TMEM108: variants seen among roughly 807,000 people sequenced by gnomAD.
The protein encoded by TMEM108 is cancer/testis antigen 124.
Under a neutral mutation model 35.1 loss-of-function variants are expected in TMEM108, and 12 were observed. The observed-to-expected ratio is 0.34, with a 90% CI of 0.22 to 0.55. TMEM108 has a LOEUF of 0.55. Ranked by LOEUF, TMEM108 falls within the 20% of genes least tolerant of loss-of-function variation. The pLI, the probability that TMEM108 is intolerant of heterozygous loss-of-function variation, is 0.89. For synonymous variants in TMEM108, 287 were observed against 308.6 expected, an observed-to-expected ratio of 0.93 and a Z score of 0.73; for missense variants, 680 against 753.3, an observed-to-expected ratio of 0.90 and a Z score of 1.14.
At chr3:133,353,525 A>G (rs555573782) in intron 3 of TMEM108, among the ~76,000 whole-genome samples, 44 of 152,290 alleles carry the variant, frequency 2.9e-4, no homozygotes, top group African/African-American at 9.9e-4. Context: ...CCCCATGACA[A>G]GGACTGCTGT....
At chr3:133,236,472 T>C (rs1289618315) in intron 3 of TMEM108, among the ~76,000 whole-genome samples, 1 of 152,120 alleles carries the variant, frequency 6.6e-6, no homozygotes, top group Non-Finnish European at 1.5e-5. Context: ...TATATGTATG[T>C]ATACGCACAA....
At chr3:133,168,867 A>C (rs1576357561) in intron 2 of TMEM108, among the ~76,000 whole-genome samples, 1 of 152,250 alleles carries the variant, frequency 6.6e-6, no homozygotes, top group East Asian at 1.9e-4. Flanking sequence ...GCGAGACCAC[A>C]AACCCACCGG....
intron 2 of TMEM108, among the ~76,000 whole-genome samples, chr3:133,175,915 T>C (rs1945216976): frequency 6.6e-6 from 1 of 152,124 alleles, no homozygotes. Context: ...GTGTGCTGTA[T>C]TCAGGAAACC....
chr3:133,298,648 A>G (rs1947177881), intron 3 of TMEM108, among the ~76,000 whole-genome samples: 1 of 152,128 alleles, frequency 6.6e-6, no homozygotes, highest in South Asian at 2.1e-4. Context: ...CATTCTCATA[A>G]TATTTATAAA....
intron 2 of TMEM108, among the ~76,000 whole-genome samples, chr3:133,059,248 A>C (rs1190199311): frequency 6.6e-6 from 1 of 152,218 alleles, no homozygotes; most frequent in African/African-American, 2.4e-5. Context: ...GGGGAACACA[A>C]ACATTCAGTC....
intron 2 of TMEM108, among the ~76,000 whole-genome samples, chr3:133,106,175 GTTTTTTTTTTT>G (rs745343008): frequency 1.1e-5 from 1 of 89,696 alleles, no homozygotes; most frequent in East Asian, 3.8e-4. Flanking sequence ...GAGGTTAAAG[GTTTTTTTTTTT>G]TTTTTTTTTT....
chr3:133,277,684 A>T (rs1946857009), intron 3 of TMEM108, among the ~76,000 whole-genome samples: 6 of 152,168 alleles, frequency 3.9e-5, no homozygotes, highest in Admixed American at 3.9e-4. Context: ...TAGTTTCCTA[A>T]TCTGTAAAAT....
chr3:133,144,683 T>A (rs1944690806), intron 2 of TMEM108, among the ~76,000 whole-genome samples: 1 of 152,232 alleles, frequency 6.6e-6, no homozygotes, highest in South Asian at 2.1e-4. Flanking sequence ...AGATGGTATC[T>A]CATTGTGCTT....
At chr3:133,187,883 C>CAAAAA (rs34894272) in intron 2 of TMEM108, among the ~76,000 whole-genome samples, 17,814 of 126,186 alleles carry the variant, frequency 0.14, 1,637 homozygotes, top group East Asian at 0.29. Context: ...ACGGTTGCTG[C>CAAAAA]AAAAAAAAAA....
chr3:133,156,134 A>T (rs1431403072), intron 2 of TMEM108, among the ~76,000 whole-genome samples: 1 of 148,382 alleles, frequency 6.7e-6, no homozygotes, highest in Non-Finnish European at 1.5e-5. Context: ...CCAGGCCTAC[A>T]CTTAATTTTT....
rs1441056931 is a variant in TMEM108, at chr3:133,185,784, C to CTTTTCTTTTCTTTT, written c.-46-43478_-46-43477insCTTTTCTTTTTTTT. Reference sequence around the variant, plus strand: ...CGTTTCTTTTCTTTTCTTTTCTTTTCTTTTTTTTTTTTTTTGAGACAGAGT... The same window carrying CTTTTCTTTTCTTTT: ...CGTTTCTTTTCTTTTCTTTTCTTTTCTTTTCTTTTCTTTTTTTTTTTTTTTTTTTGAGACAGAGT... On this transcript the variant is annotated intron_variant, in intron 2 of 5. Coordinates refer to ENST00000321871, the MANE Select transcript of TMEM108 (RefSeq NM_023943.4). Among the ~76,000 whole-genome samples the CTTTTCTTTTCTTTT allele has an allele frequency of 2.4e-5, 3 of 127,120 alleles. No homozygotes were observed. The East Asian group carries it at 8.0e-4, about 34-fold the overall frequency. The allele number at this position is 127,120 out of a possible 152,430, so 83.4% of individuals were successfully genotyped here.
intron 2 of TMEM108, among the ~76,000 whole-genome samples, chr3:133,223,544 G>A (rs1349054590): frequency 2.6e-5 from 4 of 152,106 alleles, no homozygotes; most frequent in East Asian, 1.9e-4. Context: ...TGTTATCCTC[G>A]TAAATTATTC....
intron 2 of TMEM108, among the ~76,000 whole-genome samples, chr3:133,076,553 G>T (rs1943745318): frequency 6.6e-6 from 1 of 152,128 alleles, no homozygotes; most frequent in Non-Finnish European, 1.5e-5. Context: ...GAGAAAAATT[G>T]CAGATGCAGT....
intron 3 of TMEM108, among the ~76,000 whole-genome samples, chr3:133,305,983 G>T (rs2071029245): frequency 6.6e-6 from 1 of 152,000 alleles, no homozygotes; most frequent in Non-Finnish European, 1.5e-5. Context: ...ATATATTCTA[G>T]ATATAGGTCT....
intron 2 of TMEM108, among the ~76,000 whole-genome samples, chr3:133,206,334 T>C (rs1160358373): frequency 6.6e-6 from 1 of 152,224 alleles, no homozygotes; most frequent in Non-Finnish European, 1.5e-5. Flanking sequence ...TCCAGTTTTG[T>C]TCCCTTGCTG....
At chr3:133,049,960 A>C (rs1943383763) in intron 2 of TMEM108, among the ~76,000 whole-genome samples, 1 of 152,184 alleles carries the variant, frequency 6.6e-6, no homozygotes, top group Non-Finnish European at 1.5e-5. Context: ...TTTCCAACAG[A>C]CATATTACAG....
chr3:133,131,945 A>C (rs1559842409), intron 2 of TMEM108, among the ~76,000 whole-genome samples: 1 of 152,188 alleles, frequency 6.6e-6, no homozygotes, highest in Non-Finnish European at 1.5e-5. Flanking sequence ...TAGAGAGAAG[A>C]TTAAATCAGT....
chr3:133,377,338 T>C (rs967350456), intron 3 of TMEM108, among the ~76,000 whole-genome samples: 3 of 151,588 alleles, frequency 2.0e-5, no homozygotes, highest in African/African-American at 4.8e-5. Context: ...AGGAATAGAT[T>C]GTCTCTCTGG....
intron 3 of TMEM108, among the ~76,000 whole-genome samples, chr3:133,235,945 G>T (rs1946230084): frequency 6.6e-6 from 1 of 152,114 alleles, no homozygotes; most frequent in Admixed American, 6.5e-5. Flanking sequence ...CACTGCTGAG[G>T]AGGGTCTGAA....
Sources: gnomAD v4.1 joint callset for allele counts (sites outside exome capture counted in the v4.1 genomes callset) on GRCh38, gnomAD v4.1.1 for gene constraint, MANE v1.5 for transcripts, NCBI Gene and HGNC (gene_info 2026-07-23, HGNC 2026-07-21) for gene names.